XKR4: variants seen among roughly 807,000 people sequenced by gnomAD.
XKR4 encodes the protein XK related 4, also known as XK-related protein 4.
In XKR4, 12 loss-of-function variants were observed where a neutral mutation model predicts 53.9. The ratio of observed to expected loss-of-function variants is 0.22; its 90% confidence interval spans 0.14 to 0.36. XKR4 has a LOEUF of 0.36. Among genes scored for constraint, XKR4 ranks in the 10% least tolerant of loss-of-function variants. The pLI is 1.00. For missense variants in XKR4, 799 were observed against 859.5 expected, an observed-to-expected ratio of 0.93 and a Z score of 0.88; for synonymous variants, 354 against 362.4, an observed-to-expected ratio of 0.98 and a Z score of 0.26.
intron 1 of XKR4, among the ~76,000 whole-genome samples, chr8:55,249,612 A>G (rs1818337960): frequency 6.6e-6 from 1 of 152,204 alleles, no homozygotes; most frequent in Non-Finnish European, 1.5e-5. Context: ...GTAATAGATT[A>G]TGTTCTTTCC....
At chr8:55,469,166 C>G (rs1805832289) in intron 2 of XKR4, among the ~76,000 whole-genome samples, 1 of 152,124 alleles carries the variant, frequency 6.6e-6, no homozygotes, top group Non-Finnish European at 1.5e-5. Context: ...TAGTTCTGAG[C>G]TGCAGTGTGT....
At chr8:55,481,603 C>T (rs1468174407) in intron 2 of XKR4, among the ~76,000 whole-genome samples, 1 of 152,070 alleles carries the variant, frequency 6.6e-6, no homozygotes. Context: ...TCAGAGTGAA[C>T]AGGCAACCTA....
At chr8:55,105,285 A>G (rs1017177558) in intron 1 of XKR4, among the ~76,000 whole-genome samples, 2 of 151,996 alleles carry the variant, frequency 1.3e-5, no homozygotes, top group Non-Finnish European at 2.9e-5. Context: ...ATATGAGCCT[A>G]AAAACATGTC....
intron 2 of XKR4, among the ~76,000 whole-genome samples, chr8:55,472,803 A>T (rs1805909879): frequency 6.6e-6 from 1 of 152,098 alleles, no homozygotes; most frequent in Non-Finnish European, 1.5e-5. Flanking sequence ...CTGAAGAATA[A>T]TGGGGGGTGA....
At chr8:55,281,402 G>C (rs1334506919) in intron 1 of XKR4, among the ~76,000 whole-genome samples, 2 of 152,176 alleles carry the variant, frequency 1.3e-5, no homozygotes, top group Non-Finnish European at 2.9e-5. Flanking sequence ...CACACCTCAT[G>C]TATCTTATCC....
intron 2 of XKR4, among the ~76,000 whole-genome samples, chr8:55,439,574 A>G (rs1284217547): frequency 6.6e-6 from 1 of 152,228 alleles, no homozygotes; most frequent in Non-Finnish European, 1.5e-5. Context: ...ACATTGAAAA[A>G]CTAAAATAAA....
chr8:55,522,036 C>A (rs996196726), intron 2 of XKR4, among the ~76,000 whole-genome samples: 3 of 152,098 alleles, frequency 2.0e-5, no homozygotes, highest in African/African-American at 7.2e-5. Context: ...ATTAGGGAAG[C>A]CAGCTGCGAT....
At chr8:55,171,383 A>G (rs1399376605) in intron 1 of XKR4, among the ~76,000 whole-genome samples, 2 of 152,100 alleles carry the variant, frequency 1.3e-5, no homozygotes, top group African/African-American at 4.8e-5. Flanking sequence ...TGAACCCCAC[A>G]TCTAGCACTC....
intron 1 of XKR4, among the ~76,000 whole-genome samples, chr8:55,191,725 A>T (rs1817447277): frequency 6.9e-6 from 1 of 144,158 alleles, no homozygotes; most frequent in Non-Finnish European, 1.5e-5. Context: ...TGTTTTTAAT[A>T]GTAAAATTTT....
chr8:55,468,930 CACTTCCA>C (rs1474883514), intron 2 of XKR4, among the ~76,000 whole-genome samples: 1 of 152,136 alleles, frequency 6.6e-6, no homozygotes, highest in Non-Finnish European at 1.5e-5. Context: ...ATTCCATTGT[CACTTCCA>C]AGTCAAATAT....
chr8:55,448,741 G>A (rs746174214), intron 2 of XKR4, among the ~76,000 whole-genome samples: 9 of 152,212 alleles, frequency 5.9e-5, no homozygotes, highest in Non-Finnish European at 1.0e-4. Flanking sequence ...AGTCAACCTG[G>A]TAGGCTGAAG....
chr8:55,301,556 C>G (rs906318951), intron 1 of XKR4, among the ~76,000 whole-genome samples: 6 of 152,124 alleles, frequency 3.9e-5, no homozygotes, highest in African/African-American at 1.4e-4. Context: ...TTCAAGATCC[C>G]TGAGGAATCG....
chr8:55,134,742 G>C (rs1181025515), intron 1 of XKR4, among the ~76,000 whole-genome samples: 1 of 152,198 alleles, frequency 6.6e-6, no homozygotes, highest in Non-Finnish European at 1.5e-5. Context: ...GTGGGCTCTT[G>C]CACCAAATGA....
At chr8:55,157,011 T>A (rs1386593918) in intron 1 of XKR4, among the ~76,000 whole-genome samples, 1 of 152,246 alleles carries the variant, frequency 6.6e-6, no homozygotes, top group African/African-American at 2.4e-5. Context: ...ATGTACATAA[T>A]CACTTTTCAT....
At position 55,533,410 on chromosome 8, in the gene XKR4, T is replaced by G. The variant is rs1025449809; in HGVS notation, c.*9183T>G. On this transcript the variant is annotated 3_prime_UTR_variant, in exon 3 of 3. Transcript: ENST00000327381. ...AAAAAATTAAAATATTCAACTTCCC[T>G]TATTAACCTTTCTAATGCATTGTAC... 2.0e-5 allele frequency: 3 copies of G among 152,234 alleles called. No homozygotes were observed. Among genetic ancestry groups the G allele is most frequent in the African/African-American group, 7.2e-5 (3 of 41,456 alleles). The allele number at this position is 152,234 out of a possible 1,614,324, so 9.4% of individuals were successfully genotyped here.
chr8:55,465,997 G>T (rs904382659), intron 2 of XKR4, among the ~76,000 whole-genome samples: 4 of 152,092 alleles, frequency 2.6e-5, no homozygotes, highest in Non-Finnish European at 5.9e-5. Flanking sequence ...ACAGGTGCTG[G>T]AGAGGATGTG....
At chr8:55,200,144 T>G (rs1294866283) in intron 1 of XKR4, among the ~76,000 whole-genome samples, 1 of 152,202 alleles carries the variant, frequency 6.6e-6, no homozygotes, top group East Asian at 1.9e-4. Flanking sequence ...GGCTCACAGC[T>G]GCAACCTCTG....
chr8:55,296,139 A>T (rs547732945), intron 1 of XKR4, among the ~76,000 whole-genome samples: 1 of 152,250 alleles, frequency 6.6e-6, no homozygotes, highest in East Asian at 1.9e-4. Flanking sequence ...CACCTCCACC[A>T]TGTGATGTTG....
intron 2 of XKR4, among the ~76,000 whole-genome samples, chr8:55,427,769 G>A (rs188800578): frequency 6.6e-6 from 1 of 152,216 alleles, no homozygotes; most frequent in African/African-American, 2.4e-5. Context: ...CTACTTAATG[G>A]TTATATCATT....
Sources: allele counts gnomAD v4.1 joint callset (sites outside exome capture counted in the v4.1 genomes callset), GRCh38; gene constraint gnomAD v4.1.1; transcripts MANE v1.5; gene names NCBI Gene and HGNC (gene_info 2026-07-23, HGNC 2026-07-21).